ANKRD6: variants seen among roughly 807,000 people sequenced by gnomAD.
ANKRD6 encodes ankyrin repeat domain 6, also known as ankyrin repeat domain-containing protein 6.
ANKRD6 carries 56 observed loss-of-function variants against 82.3 expected under a neutral mutation model. The observed-to-expected ratio is 0.68, with a 90% CI of 0.55 to 0.85. The LOEUF (loss-of-function observed/expected upper bound fraction) is 0.85. ANKRD6 is among the 40% of genes least tolerant of loss of function. The pLI is 0.00. For missense variants in ANKRD6, 852 were observed against 907.6 expected (o/e 0.94, Z 0.79); for synonymous variants, 347 against 352.1 (o/e 0.99, Z 0.16).
At chr6:89,491,554 C>T (rs778957824) in intron 1 of ANKRD6, among the ~76,000 whole-genome samples, 4 of 151,766 alleles carry the variant, frequency 2.6e-5, no homozygotes, top group Non-Finnish European at 4.4e-5. Flanking sequence ...AGCCAAACAC[C>T]GCATGTTCTC....
intron 1 of ANKRD6, among the ~76,000 whole-genome samples, chr6:89,494,266 A>C (rs1056348484): frequency 6.6e-6 from 1 of 152,256 alleles, no homozygotes; most frequent in Non-Finnish European, 1.5e-5. Flanking sequence ...CTAAACTAAC[A>C]GGATTCCTGC....
intron 1 of ANKRD6, among the ~76,000 whole-genome samples, chr6:89,451,492 A>G (rs529919161): frequency 3.3e-5 from 5 of 152,284 alleles, no homozygotes; most frequent in South Asian, 2.1e-4. Context: ...TGACAGGTCT[A>G]ATTTCTCTCT....
At chr6:89,579,111 G>A (rs1199667932) in intron 2 of ANKRD6, among the ~76,000 whole-genome samples, 1 of 152,148 alleles carries the variant, frequency 6.6e-6, no homozygotes, top group Non-Finnish European at 1.5e-5. Context: ...AGTGTAGAAG[G>A]TACAAGCGTG....
chr6:89,623,957 A>G lies in ANKRD6; in HGVS notation c.1118A>G (p.Lys373Arg), dbSNP rs369053206. ...CTGCATGCTCATAATCACCCTAAAA[A>G]GAGGAACAGGCATCGGTGTTCATCC... ...KNLHAHNHPKKRNRHRCSSPP... is the reference protein window; with the variant it reads ...KNLHAHNHPKRRNRHRCSSPP... Residue 373 changes from lysine to arginine, a missense_variant, in exon 12 of 16, where the codon AAG (lysine) becomes AGG (arginine). Transcript: ENST00000339746. 2.9e-5 allele frequency: 47 copies of G among 1,613,808 alleles called. No homozygotes were observed. The highest frequency in any genetic ancestry group is 3.8e-5 in the Non-Finnish European group (45 of 1,179,852).
chr6:89,608,925 T>C (rs989072101), intron 5 of ANKRD6, among the ~76,000 whole-genome samples: 52 of 152,276 alleles, frequency 3.4e-4, no homozygotes, highest in African/African-American at 1.2e-3. Context: ...TCTATAAGCC[T>C]CTGCTGGCCC....
At chr6:89,506,720 C>G (rs1582979352) in intron 1 of ANKRD6, among the ~76,000 whole-genome samples, 1 of 152,344 alleles carries the variant, frequency 6.6e-6, no homozygotes, top group East Asian at 1.9e-4. Context: ...CCAAAAGCTG[C>G]CCAGAGAAGG....
intron 1 of ANKRD6, among the ~76,000 whole-genome samples, chr6:89,492,674 G>A (rs56183493): frequency 0.06 from 9,072 of 152,194 alleles, 291 homozygotes; most frequent in South Asian, 0.13. Context: ...TCATTCCTGT[G>A]AGGTGTAGTA....
intron 2 of ANKRD6, among the ~76,000 whole-genome samples, chr6:89,569,214 T>G (rs1789232899): frequency 6.6e-6 from 1 of 152,086 alleles, no homozygotes; most frequent in Admixed American, 6.5e-5. Flanking sequence ...CGCGCCTGGC[T>G]CCTAGTAAAA....
At chr6:89,517,008 A>G (rs1781313782) in intron 1 of ANKRD6, among the ~76,000 whole-genome samples, 1 of 152,126 alleles carries the variant, frequency 6.6e-6, no homozygotes, top group South Asian at 2.1e-4. Context: ...AGCTGAGACT[A>G]TAGGTGCATA....
chr6:89,521,090 G>T (rs948215912), intron 1 of ANKRD6, among the ~76,000 whole-genome samples: 10 of 152,146 alleles, frequency 6.6e-5, no homozygotes, highest in African/African-American at 2.2e-4. Context: ...TTTATTTAAT[G>T]TTGCCCTGTT....
chr6:89,624,783 C>T, intron 13 of ANKRD6, 92 bp downstream of exon 13: 1 of 1,421,064 alleles, frequency 7.0e-7, no homozygotes, highest in African/African-American at 1.4e-5. Context: ...CCCTTCCACC[C>T]TGGGAGTGTC....
At chr6:89,472,629 T>C (rs1266689474) in intron 1 of ANKRD6, among the ~76,000 whole-genome samples, 1 of 152,206 alleles carries the variant, frequency 6.6e-6, no homozygotes, top group East Asian at 1.9e-4. Context: ...AAGTTCTTGT[T>C]GGCAGAGCTC....
chr6:89,621,802 C>G, intron 9 of ANKRD6, 120 bp from the exon 10 acceptor site: 1 of 966,080 alleles, frequency 1.0e-6, no homozygotes, highest in Non-Finnish European at 1.6e-6. Context: ...GATGTGAACA[C>G]CTGCTCTCAC....
intron 2 of ANKRD6, among the ~76,000 whole-genome samples, chr6:89,580,223 T>A (rs79591897): frequency 1.3e-4 from 19 of 150,918 alleles, no homozygotes; most frequent in Admixed American, 4.6e-4. Flanking sequence ...TTTTTTTTTT[T>A]AAAGATAACT....
In ANKRD6 at chr6:89,628,749, G is replaced by A. The variant is rs568963644; in HGVS notation, c.1486-363G>A. The A allele has an allele frequency of 6.0e-4, 157 of 260,950 alleles. 1 individual carries two copies. In the South Asian group the frequency reaches 6.5e-3, roughly 11 times the overall value. 16.2% of individuals were successfully genotyped at this position (260,950 alleles called of 1,614,324 possible). A position where few individuals can be genotyped will look rare whatever the true frequency, so the allele number is the denominator to read the frequency against. On this transcript the variant is annotated intron_variant, in intron 14 of 15. Coordinates refer to ENST00000339746, the MANE Select transcript of ANKRD6 (RefSeq NM_001242809.2). The stretch of plus-strand genomic sequence containing the variant: ...CGTGCCACTGCACTCCAGCCTGGGC[G>A]ACAGAGCGAGACTTCCATCTCAAAA...
intron 2 of ANKRD6, among the ~76,000 whole-genome samples, chr6:89,572,237 T>A (rs2182865): frequency 3.3e-5 from 5 of 152,122 alleles, no homozygotes; most frequent in Non-Finnish European, 7.3e-5. Flanking sequence ...TATAAACATT[T>A]ATGTGCAGTT....
intron 1 of ANKRD6, among the ~76,000 whole-genome samples, chr6:89,532,437 TTTCTTAAAG>T (rs1435389842): frequency 6.6e-6 from 1 of 152,208 alleles, no homozygotes; most frequent in Non-Finnish European, 1.5e-5. Flanking sequence ...GAAATTCCCC[TTTCTTAAAG>T]GGCACTTCCC....
chr6:89,622,538 C>A (rs909359146), intron 10 of ANKRD6, among the ~76,000 whole-genome samples: 10 of 152,228 alleles, frequency 6.6e-5, no homozygotes, highest in Non-Finnish European at 1.3e-4. Flanking sequence ...CTGGCACAGG[C>A]CACTTCCATT....
chr6:89,566,728 C>T (rs1788623584), intron 1 of ANKRD6, 106 bp from the exon 2 acceptor site: 2 of 430,052 alleles, frequency 4.7e-6, no homozygotes, highest in South Asian at 5.3e-5. Flanking sequence ...GCTACCCTCC[C>T]CTGCAACATG....
Sources: allele counts gnomAD v4.1 joint callset (sites outside exome capture counted in the v4.1 genomes callset), GRCh38; gene constraint gnomAD v4.1.1; transcripts MANE v1.5; gene names NCBI Gene and HGNC (gene_info 2026-07-23, HGNC 2026-07-21).